NOP58: variants seen among roughly 807,000 people sequenced by gnomAD.
NOP58 encodes the protein NOP58 ribonucleoprotein.
Under a neutral mutation model 71.2 loss-of-function variants are expected in NOP58, and 44 were observed. That is an observed-to-expected ratio of 0.62 (90% CI 0.49 to 0.79). The LOEUF is 0.79. Ranked by LOEUF, NOP58 falls within the 30% of genes least tolerant of loss-of-function variation. The probability of loss-of-function intolerance (pLI) is 0.00; values close to 1 mark genes in which losing one functional copy is unlikely to be tolerated. For missense variants in NOP58, 538 were observed against 620.2 expected, an observed-to-expected ratio of 0.87 and a Z score of 1.41; for synonymous variants, 228 against 200.3, an observed-to-expected ratio of 1.14 and a Z score of -1.17.
At chr2:202,279,402 G>T (rs970001870) in intron 3 of NOP58, among the ~76,000 whole-genome samples, 3 of 152,192 alleles carry the variant, frequency 2.0e-5, no homozygotes, top group African/African-American at 7.2e-5. Context: ...CTTGAATCCT[G>T]TGAGGCAGAT....
intron 2 of NOP58, among the ~76,000 whole-genome samples, chr2:202,275,850 G>C (rs1042137741): frequency 1.2e-4 from 19 of 152,024 alleles, no homozygotes; most frequent in African/African-American, 4.6e-4. Context: ...TGTATTTTTA[G>C]TAGAGACAGG....
At position 202,291,271 on chromosome 2, in the gene NOP58, G is replaced by C; in HGVS notation, c.780+1G>C. The C allele has an allele frequency of 6.3e-7, 1 of 1,597,346 alleles. No homozygotes were observed. The highest frequency in any genetic ancestry group is 8.5e-7 in the Non-Finnish European group (1 of 1,174,646). On this transcript the variant is annotated splice_donor_variant, in intron 8 of 14. Coordinates refer to ENST00000264279, the MANE Select transcript of NOP58 (RefSeq NM_015934.5). LOFTEE classifies it high-confidence loss of function. ...CAATATTCTGCATCTTTGCACCCAG[G>C]TAAATTTTACTCCTGGAGAATCTAG...
At position 202,300,448 on chromosome 2, in the gene NOP58, C is replaced by A. The variant is rs911942688; in HGVS notation, c.1402+81C>A. The A allele has an allele frequency of 1.7e-5, 20 of 1,151,792 alleles. No homozygotes were observed. The Admixed American group carries it at 4.8e-4, about 27-fold the overall frequency. 71.3% of individuals were successfully genotyped at this position (1,151,792 alleles called of 1,614,324 possible). The stretch of plus-strand genomic sequence containing the variant: ...ATTTTGTGAGTCTTAAAAGTACATG[C>A]CATCCCACTTTATTATAAAACTGCT... On this transcript the variant is annotated intron_variant, in intron 13 of 14. Coordinates refer to ENST00000264279, the MANE Select transcript of NOP58 (RefSeq NM_015934.5).
intron 1 of NOP58, among the ~76,000 whole-genome samples, chr2:202,271,414 AAAATT>A (rs1688509293): frequency 6.6e-6 from 1 of 151,598 alleles, no homozygotes; most frequent in Non-Finnish European, 1.5e-5. Flanking sequence ...AAAAAAAAAA[AAAATT>A]AGCCAGGCAT....
chr2:202,300,738 A>G (rs1689077780), intron 13 of NOP58, among the ~76,000 whole-genome samples: 1 of 152,182 alleles, frequency 6.6e-6, no homozygotes, highest in Admixed American at 6.5e-5. Context: ...GATTTTCTTC[A>G]TTGTTTCTCT....
At chr2:202,297,288 A>G (rs1365408065) in intron 10 of NOP58, 91 bp from the exon 11 acceptor site, 3 of 1,189,554 alleles carry the variant, frequency 2.5e-6, no homozygotes, top group Non-Finnish European at 3.6e-6. Flanking sequence ...ATGATTCATA[A>G]TAGTTTTATA....
chr2:202,294,834 G>T (rs998979194), intron 9 of NOP58, among the ~76,000 whole-genome samples: 1 of 152,058 alleles, frequency 6.6e-6, no homozygotes, highest in East Asian at 1.9e-4. Flanking sequence ...GGGTGTAGTG[G>T]TGGGTGCCTG....
intron 12 of NOP58, among the ~76,000 whole-genome samples, chr2:202,299,438 T>C (rs1407480889): frequency 6.6e-6 from 1 of 151,874 alleles, no homozygotes; most frequent in African/African-American, 2.4e-5. Context: ...CTTTCTACAA[T>C]AGCCATACAT....
intron 1 of NOP58, among the ~76,000 whole-genome samples, chr2:202,269,957 T>A (rs1688490466): frequency 6.6e-6 from 1 of 152,218 alleles, no homozygotes; most frequent in Non-Finnish European, 1.5e-5. Flanking sequence ...TATTGTACAG[T>A]GTAGCTGTGT....
At chr2:202,276,865 A>T (rs1688600949) in intron 2 of NOP58, among the ~76,000 whole-genome samples, 1 of 151,720 alleles carries the variant, frequency 6.6e-6, no homozygotes, top group Admixed American at 6.6e-5. Context: ...GGGGCCGGGC[A>T]CGGTGGCTCA....
chr2:202,267,589 A>G (rs1688439289), intron 1 of NOP58, among the ~76,000 whole-genome samples: 1 of 152,194 alleles, frequency 6.6e-6, no homozygotes, highest in African/African-American at 2.4e-5. Flanking sequence ...ATTACCATGT[A>G]GAGTTCTGCA....
At chr2:202,268,115 G>A (rs1688447708) in intron 1 of NOP58, among the ~76,000 whole-genome samples, 1 of 152,080 alleles carries the variant, frequency 6.6e-6, no homozygotes, top group African/African-American at 2.4e-5. Context: ...ACTTTAAAAG[G>A]GCAAATATTA....
chr2:202,289,347 C>A (rs756670659), intron 6 of NOP58, among the ~76,000 whole-genome samples: 1 of 152,192 alleles, frequency 6.6e-6, no homozygotes, highest in Non-Finnish European at 1.5e-5. Context: ...GCTCTGAAAT[C>A]TAAAACTTTT....
At chr2:202,302,889 AT>A in intron 13 of NOP58, 31 bp from the exon 14 acceptor site, 1 of 1,585,602 alleles carries the variant, frequency 6.3e-7, no homozygotes, top group Non-Finnish European at 8.5e-7. Flanking sequence ...TACAGTGTTA[AT>A]TTGTTGTGCC....
chr2:202,295,695 A>G lies in NOP58; in HGVS notation c.929A>G (p.Lys310Arg), dbSNP rs1254257004. Residue 310 changes from lysine (K) to arginine (R), a missense_variant, in exon 10 of 15, where the codon AAG (lysine) becomes AGG (arginine). Lys to Arg is a conservative substitution (Grantham distance 26). Coordinates refer to ENST00000264279, the MANE Select transcript of NOP58 (RefSeq NM_015934.5). ...AHAGSLLNLAKHAASTVQILG... is the reference protein window; with the variant it reads ...AHAGSLLNLARHAASTVQILG... ...GTAGGTTCTCTTTTAAATTTGGCCA[A>G]GCATGCAGCTTCTACCGTTCAGATT... 6.3e-7 allele frequency: 1 copy of G among 1,584,970 alleles called. No homozygotes were observed. Among genetic ancestry groups the G allele is most frequent in the African/African-American group, 1.4e-5 (1 of 73,450 alleles).
In NOP58 at chr2:202,303,359, C is replaced by T. The variant is rs763838385; in HGVS notation, c.1540-27C>T. On this transcript the variant is annotated intron_variant, in intron 14 of 14. Coordinates refer to ENST00000264279, the MANE Select transcript of NOP58 (RefSeq NM_015934.5). ...CTCACCCATACAATTTCAGCTCTTT[C>T]AAAGCATTCTTGTTGGCTATTTTCA... 1.9e-6 allele frequency: 3 copies of T among 1,608,392 alleles called. No homozygotes were observed. The Admixed American group carries it at 5.1e-5, about 27-fold the overall frequency.
At chr2:202,285,289 G>T (rs375952447) in intron 5 of NOP58, among the ~76,000 whole-genome samples, 2 of 149,740 alleles carry the variant, frequency 1.3e-5, no homozygotes, top group Non-Finnish European at 3.0e-5. Context: ...TGATCCATCC[G>T]CCTTGGCCTT....
chr2:202,303,298 T>A (rs1574392127), intron 14 of NOP58, 88 bp from the exon 15 acceptor site: 1 of 1,562,220 alleles, frequency 6.4e-7, no homozygotes, highest in East Asian at 2.2e-5. Flanking sequence ...GCTTACTTTT[T>A]TTATAGGTGG....
intron 12 of NOP58, among the ~76,000 whole-genome samples, chr2:202,299,468 A>G (rs920312020): frequency 3.9e-5 from 6 of 152,286 alleles, no homozygotes; most frequent in South Asian, 2.1e-4. Flanking sequence ...TTTATAGTCT[A>G]TAACTTATTA....
Sources: allele counts gnomAD v4.1 joint callset (sites outside exome capture counted in the v4.1 genomes callset), GRCh38; gene constraint gnomAD v4.1.1; transcripts MANE v1.5; gene names NCBI Gene and HGNC (gene_info 2026-07-23, HGNC 2026-07-21).